Variants in USP47 observed in about 807,000 individuals in gnomAD.
The protein encoded by USP47 is ubiquitin carboxyl-terminal hydrolase 47.
USP47 carries 35 observed loss-of-function variants against 165.1 expected under a neutral mutation model. That is an observed-to-expected ratio of 0.21 (90% confidence interval 0.16 to 0.28). The LOEUF is 0.28. USP47 is among the 10% of genes least tolerant of loss of function. The pLI is 1.00. For synonymous variants in USP47, 531 were observed against 544.5 expected (o/e 0.98, Z 0.35); for missense variants, 1,277 against 1,607.4 (o/e 0.79, Z 3.52).
intron 3 of USP47, among the ~76,000 whole-genome samples, chr11:11,885,381 A>G (rs1851090363): frequency 6.6e-6 from 1 of 152,130 alleles, no homozygotes; most frequent in African/African-American, 2.4e-5. Context: ...ACTCAAAAAG[A>G]ATGAAGAAAA....
intron 17 of USP47, among the ~76,000 whole-genome samples, chr11:11,937,319 T>C (rs1189686496): frequency 6.6e-6 from 1 of 151,926 alleles, no homozygotes; most frequent in African/African-American, 2.4e-5. Context: ...AATTAGGTTC[T>C]CTGTGTTTTT....
chr11:11,923,512 C>T (rs1854016071), intron 11 of USP47, among the ~76,000 whole-genome samples: 1 of 151,974 alleles, frequency 6.6e-6, no homozygotes, highest in African/African-American at 2.4e-5. Context: ...GGATCTTGCC[C>T]CTGTGTCAAT....
chr11:11,896,835 C>T (rs905827984), intron 4 of USP47, among the ~76,000 whole-genome samples: 7 of 151,926 alleles, frequency 4.6e-5, no homozygotes, highest in African/African-American at 1.7e-4. Context: ...ATATAAACCA[C>T]CCATGCATAC....
At chr11:11,903,363 C>G in intron 7 of USP47, 21 bp downstream of exon 7, 7 of 1,597,684 alleles carry the variant, frequency 4.4e-6, no homozygotes, top group Non-Finnish European at 6.0e-6. Context: ...TCTCTCAAAT[C>G]AAGGGGACTG....
chr11:11,874,036 C>G (rs1024760226), intron 1 of USP47, among the ~76,000 whole-genome samples: 3 of 151,940 alleles, frequency 2.0e-5, no homozygotes, highest in Admixed American at 6.6e-5. Context: ...CTGATAGTAC[C>G]TTGTTTTTAA....
chr11:11,938,764 G>T (rs1051999841), intron 18 of USP47, among the ~76,000 whole-genome samples: 7 of 151,966 alleles, frequency 4.6e-5, no homozygotes, highest in Non-Finnish European at 1.0e-4. Flanking sequence ...CACTAGACTA[G>T]CGTTCCACAT....
chr11:11,934,033 G>T, intron 16 of USP47, 98 bp downstream of exon 16: 1 of 833,856 alleles, frequency 1.2e-6, no homozygotes, highest in Admixed American at 2.3e-5. Flanking sequence ...ATAAACACTG[G>T]CAGTAACCTT....
Position 11,934,949 on chromosome 11 carries a change from AAC to A in USP47, c.1869+1020_1869+1021del, listed in dbSNP as rs200135776. 2.8e-3 allele frequency among the ~76,000 whole-genome samples: 421 copies of A among 152,286 alleles called. 3 individuals carry two copies. Among genetic ancestry groups the A allele is most frequent in the Admixed American group, 0.023 (351 of 15,270 alleles). On this transcript the variant is annotated intron_variant, in intron 16 of 27. Coordinates refer to ENST00000527733, the MANE Select transcript of USP47 (RefSeq NM_001282659.2). ...TGGAACCAATAACATAACTAAAAAT[AAC>A]ACACAAGATAGCTGACATTGTTTCT...
At chr11:11,936,956 C>A (rs1187847628) in intron 17 of USP47, among the ~76,000 whole-genome samples, 1 of 151,924 alleles carries the variant, frequency 6.6e-6, no homozygotes, top group African/African-American at 2.4e-5. Flanking sequence ...AGGGTGGATT[C>A]ATTATCCCAT....
At chr11:11,919,606 A>T (rs779917918) in intron 8 of USP47, among the ~76,000 whole-genome samples, 1 of 151,694 alleles carries the variant, frequency 6.6e-6, no homozygotes, top group Admixed American at 6.6e-5. Context: ...ACAGTATCTC[A>T]CACACACACA....
chr11:11,946,049 T>A (rs1590446653), intron 20 of USP47, among the ~76,000 whole-genome samples: 1 of 151,990 alleles, frequency 6.6e-6, no homozygotes, highest in Admixed American at 6.6e-5. Context: ...TGTGAAGACA[T>A]AGACTCTTCA....
At chr11:11,882,501 C>G (rs538464294) in intron 2 of USP47, among the ~76,000 whole-genome samples, 16 of 152,026 alleles carry the variant, frequency 1.1e-4, no homozygotes, top group Non-Finnish European at 1.8e-4. Flanking sequence ...GGTAGTCGGA[C>G]AAGACATAGA....
At position 11,891,945 on chromosome 11, in the gene USP47, T is replaced by C. The variant is rs759647827; in HGVS notation, c.358-23T>C. On this transcript the variant is annotated intron_variant, in intron 3 of 27. Coordinates refer to ENST00000527733, the MANE Select transcript of USP47 (RefSeq NM_001282659.2). ...TCAGCAACATTTGCTATTTACTAACTATTTGAATATGTTGCATTTTAGGAG... is the reference window on the plus strand; with the variant it reads ...TCAGCAACATTTGCTATTTACTAACCATTTGAATATGTTGCATTTTAGGAG... 8 of 1,605,892 alleles carry C rather than the reference T, an allele frequency of 5.0e-6. No individual in the cohort carries two copies. In the South Asian group the frequency reaches 9.0e-5, roughly 18 times the overall value.
chr11:11,894,100 A>C (rs1010744372), intron 4 of USP47, among the ~76,000 whole-genome samples: 2 of 152,176 alleles, frequency 1.3e-5, no homozygotes, highest in Admixed American at 6.5e-5. Context: ...CCATTACACT[A>C]TCTAGAGTAG....
At chr11:11,938,199 T>C in intron 17 of USP47, 58 bp from the exon 18 acceptor site, 1 of 1,463,242 alleles carries the variant, frequency 6.8e-7, no homozygotes, top group East Asian at 2.3e-5. Flanking sequence ...GCATTACTCA[T>C]GTGAAATACA....
intron 5 of USP47, among the ~76,000 whole-genome samples, 178 bp downstream of exon 5, chr11:11,897,871 G>T (rs1034694593): frequency 1.3e-5 from 2 of 152,118 alleles, no homozygotes; most frequent in Non-Finnish European, 2.9e-5. Flanking sequence ...TATGAAAAAT[G>T]TGTGCGGAGA....
At chr11:11,911,375 A>T (rs1363427907) in intron 8 of USP47, among the ~76,000 whole-genome samples, 2 of 152,174 alleles carry the variant, frequency 1.3e-5, no homozygotes, top group African/African-American at 4.8e-5. Context: ...AAATGTTCCA[A>T]ATTTAGCAAA....
intron 1 of USP47, among the ~76,000 whole-genome samples, chr11:11,874,473 CTT>C: frequency 6.6e-6 from 1 of 151,910 alleles, no homozygotes; most frequent in South Asian, 2.1e-4. Flanking sequence ...AATAAAGTCT[CTT>C]TTTTTAATGT....
intron 5 of USP47, among the ~76,000 whole-genome samples, chr11:11,900,192 G>GCT (rs1323967545): frequency 6.4e-5 from 8 of 124,208 alleles, no homozygotes; most frequent in Non-Finnish European, 1.6e-5. Flanking sequence ...ACGGAGTCTC[G>GCT]CTGTCGCCCA....
Sources: gnomAD v4.1 joint callset for allele counts (sites outside exome capture counted in the v4.1 genomes callset) on GRCh38, gnomAD v4.1.1 for gene constraint, MANE v1.5 for transcripts, NCBI Gene and HGNC (gene_info 2026-07-23, HGNC 2026-07-21) for gene names.